The following PACRGL variants were observed in gnomAD, a reference collection of about 807,000 sequenced individuals.
PACRGL encodes the protein parkin coregulated like, also known as PACRG-like protein.
PACRGL carries 38 observed loss-of-function variants against 34.5 expected under a neutral mutation model. The ratio of observed to expected loss-of-function variants is 1.10; its 90% CI spans 0.85 to 1.44. The LOEUF (loss-of-function observed/expected upper bound fraction) is 1.44, where lower values mean the gene tolerates loss of function less well. PACRGL is among the 40% of genes most tolerant of loss of function. The probability of loss-of-function intolerance (pLI) is 0.00; values close to 1 mark genes in which losing one functional copy is unlikely to be tolerated. For missense variants in PACRGL, 305 were observed against 281.4 expected (o/e 1.08, Z -0.60); for synonymous variants, 128 against 100.1 (o/e 1.28, Z -1.66).
chr4:20,760,346 T>C, the PACRGL span, among the ~76,000 whole-genome samples: 1 of 152,166 alleles, frequency 6.6e-6, no homozygotes, highest in African/African-American at 2.4e-5. Flanking sequence ...TACTCTAAAT[T>C]TGATACTGTT....
chr4:20,703,004 A>G (rs770491486), intron 1 of PACRGL, among the ~76,000 whole-genome samples: 3 of 152,216 alleles, frequency 2.0e-5, no homozygotes, highest in East Asian at 3.9e-4. Flanking sequence ...AAGCTGGTAC[A>G]TCATGTTTGA....
chr4:20,752,408 T>C (rs1228119653), intron 8 of PACRGL, among the ~76,000 whole-genome samples: 2 of 152,218 alleles, frequency 1.3e-5, no homozygotes, highest in Non-Finnish European at 2.9e-5. Context: ...GCAAAGTGTT[T>C]AGAAATAATC....
At chr4:20,749,739 T>C in intron 8 of PACRGL, 9 of 1,593,522 alleles carry the variant, frequency 5.6e-6, no homozygotes, top group Non-Finnish European at 6.9e-6. Context: ...GAGTCTGAAA[T>C]GGTAAAAAGG....
chr4:20,752,265 G>A (rs151216200), intron 8 of PACRGL, among the ~76,000 whole-genome samples: 32 of 152,004 alleles, frequency 2.1e-4, no homozygotes, highest in African/African-American at 7.0e-4. Context: ...CATCACGTTG[G>A]CCAGACTGGT....
In PACRGL at chr4:20,732,408, T is replaced by C. The variant is rs1218199947; in HGVS notation, c.*5067T>C. Among the ~76,000 whole-genome samples, 1 of 152,206 alleles carries C rather than the reference T, an allele frequency of 6.6e-6. No homozygotes were observed. The highest frequency in any genetic ancestry group is 2.4e-5 in the African/African-American group (1 of 41,458). On this transcript the variant is annotated 3_prime_UTR_variant, in exon 9 of 9. Coordinates refer to ENST00000503585, the MANE Select transcript of PACRGL (RefSeq NM_001258345.3). The stretch of plus-strand genomic sequence containing the variant: ...GTAAAATGAGATTAATGAGGATTTA[T>C]AGGATTCTTGTAAAAACTGAATGAA...
At chr4:20,701,362 G>C (rs1732108368) in intron 1 of PACRGL, 1 of 155,090 alleles carries the variant, frequency 6.4e-6, no homozygotes, top group South Asian at 2.0e-4. Flanking sequence ...GCTTCATAGG[G>C]TGGTTTGTTT....
rs1733678376 is a variant in PACRGL at position 20,704,537 on chromosome 4, C to CA, written c.52+5dup. On this transcript the variant is annotated splice_donor_region_variant and intron_variant, in intron 2 of 8. Transcript: ENST00000503585. ...CAGTTGAAAAACAGAGCAACAGGTA[C>CA]AGAGCTTTTGTTTTTAAGTGAAGAG... 1 of 1,613,514 alleles carries CA rather than the reference C, an allele frequency of 6.2e-7. No individual in the cohort carries two copies.
At chr4:20,737,014 T>C (rs1019232460), downstream of PACRGL, among the ~76,000 whole-genome samples, 6 of 152,186 alleles carry the variant, frequency 3.9e-5, no homozygotes, top group African/African-American at 1.4e-4. Flanking sequence ...CTGTGGCCAA[T>C]TGATTTTCGA....
At chr4:20,702,539 G>A in intron 1 of PACRGL, 1 of 172,238 alleles carries the variant, frequency 5.8e-6, no homozygotes, top group Admixed American at 5.8e-5. Context: ...TCCCATTATG[G>A]AAATGTTGTT....
At chr4:20,705,318 G>T (rs1734036938) in intron 3 of PACRGL, among the ~76,000 whole-genome samples, 1 of 152,122 alleles carries the variant, frequency 6.6e-6, no homozygotes, top group African/African-American at 2.4e-5. Context: ...ACACACCTGT[G>T]CAACAACACC....
At position 20,732,148 on chromosome 4, in the gene PACRGL, A is replaced by G. The variant is rs1748445413; in HGVS notation, c.*4807A>G. On this transcript the variant is annotated 3_prime_UTR_variant, in exon 9 of 9. Coordinates refer to ENST00000503585, the MANE Select transcript of PACRGL (RefSeq NM_001258345.3). Reference sequence around the variant, plus strand: ...ACCTGGACCAAATGAGCTGAAGCTGATAAAAAGAAAACCTAGCTGCTTATT... The same window carrying G: ...ACCTGGACCAAATGAGCTGAAGCTGGTAAAAAGAAAACCTAGCTGCTTATT... 3 of 954,146 alleles carry G rather than the reference A, an allele frequency of 3.1e-6. No individual in the cohort carries two copies. The highest frequency in any genetic ancestry group is 4.9e-6 in the Non-Finnish European group (3 of 613,312). The allele number at this position is 954,146 out of a possible 1,614,324, so 59.1% of individuals were successfully genotyped here. A position where few individuals can be genotyped will look rare whatever the true frequency, so the allele number is the denominator to read the frequency against.
At chr4:20,714,962 G>C (rs1739129768) in intron 7 of PACRGL, among the ~76,000 whole-genome samples, 1 of 152,148 alleles carries the variant, frequency 6.6e-6, no homozygotes, top group Non-Finnish European at 1.5e-5. Flanking sequence ...CTGCTATAAA[G>C]ACACATGCAC....
In PACRGL at chr4:20,748,219, C is replaced by T. The variant is rs187650327; in HGVS notation, c.*57-4346C>T. ...GGCCTCTATCTCCTTCCCCAACCTT[C>T]GCTCTTGGCTCTCCAATTGTGTATT... On this transcript the variant is annotated intron_variant, in intron 8 of 8. Transcript: ENST00000507634. Among the ~76,000 whole-genome samples, 391 of 152,238 alleles carry T rather than the reference C, an allele frequency of 2.6e-3. 8 individuals carry two copies. In the South Asian group the frequency reaches 0.047, roughly 18 times the overall value.
downstream of PACRGL, among the ~76,000 whole-genome samples, chr4:20,755,985 C>G (rs1754393734): frequency 3.3e-5 from 5 of 151,996 alleles, no homozygotes; most frequent in Admixed American, 2.6e-4. Context: ...GGCTTATGTT[C>G]TATGGAATGG....
upstream of PACRGL, among the ~76,000 whole-genome samples, chr4:20,698,666 C>T (rs1024596932): frequency 6.6e-6 from 1 of 152,140 alleles, no homozygotes; most frequent in African/African-American, 2.4e-5. Flanking sequence ...AAAATGATGA[C>T]AGAAAGTTTA....
rs1746499288 is a variant in PACRGL at position 20,728,097 on chromosome 4, A to G, written c.*756A>G. The G allele has an allele frequency of 6.6e-6, 1 of 152,174 alleles. No individual in the cohort carries two copies. The highest frequency in any genetic ancestry group is 2.4e-5 in the African/African-American group (1 of 41,436). 9.4% of individuals were successfully genotyped at this position (152,174 alleles called of 1,614,324 possible). A position where few individuals can be genotyped will look rare whatever the true frequency, so the allele number is the denominator to read the frequency against. On this transcript the variant is annotated 3_prime_UTR_variant, in exon 9 of 9. Transcript: ENST00000503585. ...CCACCATGCCTGGCCCCATGAATAC[A>G]CTACTAATATTATTTGTAAATATGT...
Position 20,731,980 on chromosome 4 carries a change from A to G in PACRGL, c.*4639A>G, listed in dbSNP as rs753817914. 3 of 1,612,476 alleles carry G rather than the reference A, an allele frequency of 1.9e-6. No individual in the cohort carries two copies. The highest frequency in any genetic ancestry group is 2.7e-5 in the African/African-American group (2 of 75,006). On this transcript the variant is annotated 3_prime_UTR_variant, in exon 9 of 9. Transcript: ENST00000503585. Reference sequence around the variant, plus strand: ...TTTAGCTGTTATGATAGCTGAATTGATAGTTATTACACTTTCATTACTTAC... The same window carrying G: ...TTTAGCTGTTATGATAGCTGAATTGGTAGTTATTACACTTTCATTACTTAC...
At chr4:20,754,313 G>A (rs944501823), downstream of PACRGL, among the ~76,000 whole-genome samples, 1 of 152,174 alleles carries the variant, frequency 6.6e-6, no homozygotes, top group Non-Finnish European at 1.5e-5. Context: ...AGAGAGTTCT[G>A]TAGATAAGAC....
At chr4:20,722,928 G>GT (rs1428149925) in intron 7 of PACRGL, among the ~76,000 whole-genome samples, 2 of 152,162 alleles carry the variant, frequency 1.3e-5, no homozygotes, top group Non-Finnish European at 1.5e-5. Flanking sequence ...TGGTTCCACT[G>GT]TTTTTTCTTG....
Sources: allele counts gnomAD v4.1 joint callset (sites outside exome capture counted in the v4.1 genomes callset), GRCh38; gene constraint gnomAD v4.1.1; transcripts MANE v1.5; gene names NCBI Gene and HGNC (gene_info 2026-07-23, HGNC 2026-07-21).